Variants in SMG9 observed in about 807,000 individuals in gnomAD.
SMG9 encodes nonsense-mediated mRNA decay factor SMG9.
SMG9 carries 55 observed loss-of-function variants against 64.0 expected under a neutral mutation model. The ratio of observed to expected loss-of-function variants is 0.86; its 90% CI spans 0.69 to 1.08. SMG9 has a LOEUF of 1.08. Ranked by LOEUF, SMG9 falls within the 50% of genes least tolerant of loss-of-function variation. SMG9 has a pLI of 0.00. For missense variants in SMG9, 554 were observed against 681.3 expected (o/e 0.81, Z 2.08); for synonymous variants, 244 against 254.8 (o/e 0.96, Z 0.41).
chr19:43,750,835 C>CA, intron 1 of SMG9, 88 bp from the exon 2 acceptor site: 2 of 1,257,718 alleles, frequency 1.6e-6, no homozygotes, highest in South Asian at 3.4e-5. Context: ...TCCCTTCTTT[C>CA]TTTTTTTTGG....
chr19:43,750,439 A>G (rs1378547213), intron 2 of SMG9, among the ~76,000 whole-genome samples, 153 bp downstream of exon 2: 1 of 152,254 alleles, frequency 6.6e-6, no homozygotes. Context: ...TATCTAGAAC[A>G]GTCTCCTTTA....
At position 43,730,564 on chromosome 19, in the gene SMG9, C is replaced by CTTTT. The variant is rs574384507; in HGVS notation, c.*1028_*1031dup. ...TTCTGTTTCTTAAGTCAAAAGTAGGCTTTTTTTTTTTTTTTGAGACGGAGT... is the reference window on the plus strand; with the variant it reads ...TTCTGTTTCTTAAGTCAAAAGTAGGCTTTTTTTTTTTTTTTTTTTGAGACGGAGT... On this transcript the variant is annotated 3_prime_UTR_variant, in exon 14 of 14. Coordinates refer to ENST00000270066, the MANE Select transcript of SMG9 (RefSeq NM_019108.4). The CTTTT allele has an allele frequency of 7.2e-6, 1 of 139,768 alleles. No individual in the cohort carries two copies. Among genetic ancestry groups the CTTTT allele is most frequent in the Non-Finnish European group, 1.6e-5 (1 of 63,702 alleles). The allele number at this position is 139,768 out of a possible 1,614,324, so 8.7% of individuals were successfully genotyped here. A position where few individuals can be genotyped will look rare whatever the true frequency, so the allele number is the denominator to read the frequency against.
In SMG9 at chr19:43,748,021, A is replaced by G. The variant is rs771533658; in HGVS notation, c.182T>C (p.Met61Thr). ...TGAGAGGATGATGGGGGTTTTCTGCATGACGGAAGTGCTTGTCTCTTCGCT... is the reference window on the plus strand; with the variant it reads ...TGAGAGGATGATGGGGGTTTTCTGCGTGACGGAAGTGCTTGTCTCTTCGCT... ...DASEETSTSVMQKTPIILSKP... is the reference protein window; with the variant it reads ...DASEETSTSVTQKTPIILSKP... The change falls in exon 3 of 14, where the codon ATG becomes ACG. Residue 61 changes from methionine to threonine, a missense_variant. Physicochemically the swap from Met to Thr is moderately conservative, Grantham distance 81. Coordinates refer to ENST00000270066, the MANE Select transcript of SMG9 (RefSeq NM_019108.4). 1.9e-6 allele frequency: 3 copies of G among 1,613,218 alleles called. No homozygotes were observed. Among genetic ancestry groups the G allele is most frequent in the Admixed American group, 1.7e-5 (1 of 59,824 alleles).
intron 10 of SMG9, chr19:43,733,960 G>C: frequency 1.7e-6 from 1 of 580,206 alleles, no homozygotes; most frequent in Non-Finnish European, 3.1e-6. Flanking sequence ...CCCTAGCGAG[G>C]GATCATAAAA....
At chr19:43,747,574 A>G in intron 4 of SMG9, 35 bp from the exon 5 acceptor site, 3 of 1,614,156 alleles carry the variant, frequency 1.9e-6, no homozygotes, top group South Asian at 2.2e-5. Context: ...CAGAGGATGC[A>G]GTGAGGATCT....
intron 11 of SMG9, 22 bp from the exon 12 acceptor site, chr19:43,733,474 C>G (rs774822722): frequency 6.2e-7 from 1 of 1,613,456 alleles, no homozygotes; most frequent in Admixed American, 1.7e-5. Context: ...AACGCTTCAG[C>G]CTTCAGGTAC....
chr19:43,738,100 G>C, intron 8 of SMG9, 22 bp downstream of exon 8: 3 of 1,608,014 alleles, frequency 1.9e-6, no homozygotes, highest in South Asian at 2.2e-5. Context: ...CCTCAGTCCT[G>C]GGCCTGGCTT....
intron 10 of SMG9, 89 bp from the exon 11 acceptor site, chr19:43,733,822 C>A (rs1304489606): frequency 7.9e-6 from 7 of 890,380 alleles, no homozygotes; most frequent in East Asian, 5.0e-5. Context: ...TGTTGTTACC[C>A]CTGAGTTCAG....
In SMG9 at chr19:43,730,948, G is replaced by T; in HGVS notation, c.*648C>A. The T allele has an allele frequency of 5.5e-6, 1 of 180,690 alleles. No individual in the cohort carries two copies. Among genetic ancestry groups the T allele is most frequent in the Non-Finnish European group, 1.1e-5 (1 of 93,958 alleles). The allele number at this position is 180,690 out of a possible 1,614,324, so 11.2% of individuals were successfully genotyped here. A position where few individuals can be genotyped will look rare whatever the true frequency, so the allele number is the denominator to read the frequency against. On this transcript the variant is annotated 3_prime_UTR_variant, in exon 14 of 14. Coordinates refer to ENST00000270066, the MANE Select transcript of SMG9 (RefSeq NM_019108.4). The stretch of plus-strand genomic sequence containing the variant: ...GAGAGCAGAAGACACGAGGGTAGTT[G>T]CTGTACTCAGCTGCACCAGTGTATT...
intron 13 of SMG9, 177 bp downstream of exon 13, chr19:43,732,681 T>C: frequency 2.8e-6 from 2 of 706,150 alleles, no homozygotes; most frequent in Non-Finnish European, 2.3e-6. Flanking sequence ...GGAAACAGCA[T>C]GTTGCCACAT....
At chr19:43,742,554 A>G (rs28373139) in intron 6 of SMG9, among the ~76,000 whole-genome samples, 38,648 of 152,190 alleles carry the variant, frequency 0.25, 5,223 homozygotes, top group African/African-American at 0.35. Flanking sequence ...TTTGTTTACT[A>G]TCTTCCCTAT....
At chr19:43,744,275 C>T (rs1968932074) in intron 6 of SMG9, among the ~76,000 whole-genome samples, 1 of 152,182 alleles carries the variant, frequency 6.6e-6, no homozygotes, top group African/African-American at 2.4e-5. Context: ...TCTCTGTCTC[C>T]AGATCTCTTT....
chr19:43,754,280 C>T (rs1300166342), intron 1 of SMG9: 1 of 152,160 alleles, frequency 6.6e-6, no homozygotes, highest in East Asian at 1.9e-4. Flanking sequence ...AGGATTTAAA[C>T]TTCTCTCTAC....
rs367830775 is a variant in SMG9 at position 43,753,748 on chromosome 19, A to T, written c.-7+906T>A. Among the ~76,000 whole-genome samples, 321 of 151,982 alleles carry T rather than the reference A, an allele frequency of 2.1e-3. 3 individuals carry two copies. In the Middle Eastern group the frequency reaches 0.048, roughly 23 times the overall value. ...AGTGATCGGATTCCCCGGGTAAGCCACCGCACCTGGCCTCCCTGTGCCCTT... is the reference window on the plus strand; with the variant it reads ...AGTGATCGGATTCCCCGGGTAAGCCTCCGCACCTGGCCTCCCTGTGCCCTT... On this transcript the variant is annotated intron_variant, in intron 1 of 13. Coordinates refer to ENST00000270066, the MANE Select transcript of SMG9 (RefSeq NM_019108.4).
intron 6 of SMG9, among the ~76,000 whole-genome samples, chr19:43,742,056 G>A (rs1968861469): frequency 6.6e-6 from 1 of 152,160 alleles, no homozygotes; most frequent in Non-Finnish European, 1.5e-5. Flanking sequence ...GCTGAGGCAG[G>A]AGAATTGCCT....
At chr19:43,747,564 CA>C (rs1969055807) in intron 4 of SMG9, 25 bp from the exon 5 acceptor site, 1 of 1,614,054 alleles carries the variant, frequency 6.2e-7, no homozygotes, top group South Asian at 1.1e-5. Context: ...AAGCAGGAGA[CA>C]GAGGATGCAG....
intron 9 of SMG9, among the ~76,000 whole-genome samples, chr19:43,735,078 C>A (rs1238252215): frequency 6.6e-6 from 1 of 152,144 alleles, no homozygotes; most frequent in African/African-American, 2.4e-5. Flanking sequence ...TTACTGTCTC[C>A]GTAGTTCTGC....
Position 43,750,597 on chromosome 19 carries a change from T to C in SMG9, c.145A>G (p.Arg49Gly). The change falls in exon 2 of 14, where the codon AGA (arginine) becomes GGA (glycine). Residue 49 changes from arginine to glycine, a missense_variant. Physicochemically the swap from Arg to Gly is moderately radical, Grantham distance 125. Coordinates refer to ENST00000270066, the MANE Select transcript of SMG9 (RefSeq NM_019108.4). ...RDYIAPWERE[R>G]RDASEETSTS... ...TCCTGGGTCCAGACACTCACCCTTCTCTCTCTTTCCCATGGTGCAATGTAG... is the reference window on the plus strand; with the variant it reads ...TCCTGGGTCCAGACACTCACCCTTCCCTCTCTTTCCCATGGTGCAATGTAG... The C allele has an allele frequency of 1.2e-6, 2 of 1,610,340 alleles. No homozygotes were observed. The highest frequency in any genetic ancestry group is 8.5e-7 in the Non-Finnish European group (1 of 1,177,992).
chr19:43,741,748 C>T (rs972287474), intron 6 of SMG9, among the ~76,000 whole-genome samples: 3 of 152,214 alleles, frequency 2.0e-5, no homozygotes, highest in Non-Finnish European at 2.9e-5. Context: ...CTCCTCCCAG[C>T]ATGCTTTTTC....
Sources: allele counts gnomAD v4.1 joint callset (sites outside exome capture counted in the v4.1 genomes callset), GRCh38; gene constraint gnomAD v4.1.1; transcripts MANE v1.5; gene names NCBI Gene and HGNC (gene_info 2026-07-23, HGNC 2026-07-21).